The following CPM variants were observed in gnomAD, a reference collection of about 807,000 sequenced individuals.
CPM encodes the protein carboxypeptidase M.
CPM carries 35 observed loss-of-function variants against 46.4 expected under a neutral mutation model. The ratio of observed to expected loss-of-function variants is 0.75; its 90% CI spans 0.58 to 1.00. The LOEUF is 1.00. CPM is among the 50% of genes least tolerant of loss of function. The pLI is 0.00. For synonymous variants in CPM, 195 were observed against 195.3 expected (o/e 1.00, Z 0.01); for missense variants, 422 against 530.4 (o/e 0.80, Z 2.01).
At chr12:68,944,596 C>A (rs148095021) in intron 1 of CPM, among the ~76,000 whole-genome samples, 41 of 152,182 alleles carry the variant, frequency 2.7e-4, no homozygotes, top group African/African-American at 9.4e-4. Context: ...TATGGGGCCT[C>A]ACTTCGTTGC....
intron 1 of CPM, among the ~76,000 whole-genome samples, chr12:68,953,215 G>A (rs938170541): frequency 1.3e-5 from 2 of 152,078 alleles, no homozygotes; most frequent in African/African-American, 2.4e-5. Flanking sequence ...CCCCGGTAAC[G>A]GTGAGCCTCC....
At chr12:68,918,332 CTA>C (rs997161319) in intron 2 of CPM, among the ~76,000 whole-genome samples, 2 of 152,134 alleles carry the variant, frequency 1.3e-5, no homozygotes, top group Non-Finnish European at 2.9e-5. Context: ...AATACCATTT[CTA>C]TGTTGATGAC....
Position 68,870,225 on chromosome 12 carries a change from A to G in CPM, c.606T>C (p.Asn202=). The change falls in exon 5 of 9, where the codon AAT becomes AAC. Residue 202 remains asparagine, a synonymous_variant. Coordinates refer to ENST00000551568, the MANE Select transcript of CPM (RefSeq NM_198320.5). ...GALVASYPFD[N]GVQATGALYS... ...CCCGCACCTGCTTACCTTGAACACC[A>G]TTATCAAATGGGTAACTGGCCACGA... 1 of 1,613,752 alleles carries G rather than the reference A, an allele frequency of 6.2e-7. No individual in the cohort carries two copies. Among genetic ancestry groups the G allele is most frequent in the African/African-American group, 1.3e-5 (1 of 75,020 alleles).
intron 2 of CPM, among the ~76,000 whole-genome samples, chr12:68,918,382 G>A (rs1887897391): frequency 6.6e-6 from 1 of 152,040 alleles, no homozygotes; most frequent in Non-Finnish European, 1.5e-5. Flanking sequence ...TCTCTCTTGA[G>A]CTCCACTTAT....
At chr12:68,948,346 G>C (rs1888880366) in intron 1 of CPM, among the ~76,000 whole-genome samples, 1 of 152,128 alleles carries the variant, frequency 6.6e-6, no homozygotes, top group African/African-American at 2.4e-5. Flanking sequence ...AGGGCCTGAG[G>C]GGGTAGGCAT....
chr12:68,880,618 T>C (rs570768203), intron 3 of CPM, among the ~76,000 whole-genome samples: 2 of 151,198 alleles, frequency 1.3e-5, no homozygotes, highest in African/African-American at 2.4e-5. Flanking sequence ...GAAGAGAGAG[T>C]AAAGGAGTGG....
downstream of CPM, chr12:68,850,562 G>A (rs1189016049): frequency 6.6e-6 from 1 of 152,166 alleles, no homozygotes; most frequent in Non-Finnish European, 1.5e-5. Context: ...TGACTAAGTC[G>A]ATATTAGCAG....
chr12:68,894,096 C>T (rs897401672), intron 2 of CPM, among the ~76,000 whole-genome samples: 2 of 152,032 alleles, frequency 1.3e-5, no homozygotes, highest in Non-Finnish European at 2.9e-5. Context: ...CTTGGCTGCA[C>T]CACCACCACC....
At chr12:68,958,957 G>C (rs1055747834) in intron 1 of CPM, among the ~76,000 whole-genome samples, 1 of 152,148 alleles carries the variant, frequency 6.6e-6, no homozygotes, top group Non-Finnish European at 1.5e-5. Context: ...CCCATGTCTG[G>C]TTCCTTCTTA....
chr12:68,858,876 T>A (rs905697931), intron 8 of CPM, 47 bp downstream of exon 8: 32 of 1,211,246 alleles, frequency 2.6e-5, no homozygotes, highest in Non-Finnish European at 3.4e-5. Context: ...ATAAGTATTA[T>A]GAGTTCTATA....
intron 1 of CPM, among the ~76,000 whole-genome samples, chr12:68,952,685 C>A (rs1888954613): frequency 6.6e-6 from 1 of 152,160 alleles, no homozygotes; most frequent in Admixed American, 6.5e-5. Context: ...AGACTTTCCC[C>A]TTGTATGTCT....
At chr12:68,960,418 T>C (rs11177417) in intron 1 of CPM, among the ~76,000 whole-genome samples, 4,771 of 152,336 alleles carry the variant, frequency 0.031, 119 homozygotes, top group East Asian at 0.087. Flanking sequence ...GATGTAACTA[T>C]TGAGGGCTCT....
chr12:68,846,287 A>G (rs1592614389), downstream of CPM: 1 of 152,032 alleles, frequency 6.6e-6, no homozygotes, highest in Admixed American at 6.6e-5. Flanking sequence ...CAGTTTCACC[A>G]TGTTGCCCAG....
At chr12:68,932,877 C>A in intron 1 of CPM, 37 bp from the exon 2 acceptor site, 1 of 1,599,480 alleles carries the variant, frequency 6.3e-7, no homozygotes, top group Non-Finnish European at 8.5e-7. Context: ...CCTGAGAACA[C>A]ATGAGGGCAG....
chr12:68,870,228 A>G lies in CPM; in HGVS notation c.603T>C (p.Asp201=). 1 of 1,613,798 alleles carries G rather than the reference A, an allele frequency of 6.2e-7. No homozygotes were observed. The highest frequency in any genetic ancestry group is 8.5e-7 in the Non-Finnish European group (1 of 1,179,890). ...GGALVASYPF[D]NGVQATGALY... ...GCACCTGCTTACCTTGAACACCATTATCAAATGGGTAACTGGCCACGAGGG... is the reference window on the plus strand; with the variant it reads ...GCACCTGCTTACCTTGAACACCATTGTCAAATGGGTAACTGGCCACGAGGG... Residue 201 remains aspartate, a synonymous_variant, in exon 5 of 9, where the codon GAT becomes GAC. Coordinates refer to ENST00000551568, the MANE Select transcript of CPM (RefSeq NM_198320.5).
chr12:68,947,273 G>GT (rs1208053658), intron 1 of CPM, among the ~76,000 whole-genome samples: 3 of 152,182 alleles, frequency 2.0e-5, no homozygotes, highest in Non-Finnish European at 2.9e-5. Context: ...TAGTCATGTA[G>GT]TTTTTATCAG....
intron 2 of CPM, among the ~76,000 whole-genome samples, chr12:68,915,996 G>T (rs1887787993): frequency 6.6e-6 from 1 of 152,180 alleles, no homozygotes; most frequent in South Asian, 2.1e-4. Flanking sequence ...AATCAGTAGT[G>T]GCATTGCTTT....
At chr12:68,866,204 G>A (rs1381220924) in intron 7 of CPM, among the ~76,000 whole-genome samples, 1 of 152,216 alleles carries the variant, frequency 6.6e-6, no homozygotes, top group African/African-American at 2.4e-5. Flanking sequence ...TGCGTGGTGA[G>A]TGACAAGCAA....
intron 7 of CPM, among the ~76,000 whole-genome samples, chr12:68,864,469 G>T (rs1885347727): frequency 6.6e-6 from 1 of 152,122 alleles, no homozygotes; most frequent in Admixed American, 6.6e-5. Flanking sequence ...AAAACCTAGT[G>T]CAAATGGACT....
Sources: allele counts gnomAD v4.1 joint callset (sites outside exome capture counted in the v4.1 genomes callset), GRCh38; gene constraint gnomAD v4.1.1; transcripts MANE v1.5; gene names NCBI Gene and HGNC (gene_info 2026-07-23, HGNC 2026-07-21).